RCAN1: variants seen among roughly 807,000 people sequenced by gnomAD.
The protein encoded by RCAN1 is calcipressin-1.
Under a neutral mutation model 22.9 loss-of-function variants are expected in RCAN1, and 11 were observed. The observed-to-expected ratio is 0.48, with a 90% CI of 0.30 to 0.79. RCAN1 has a LOEUF of 0.79. Ranked by LOEUF, RCAN1 falls within the 30% of genes least tolerant of loss-of-function variation. The pLI is 0.06. For missense variants in RCAN1, 291 were observed against 337.8 expected, an observed-to-expected ratio of 0.86 and a Z score of 1.09; for synonymous variants, 136 against 142.3, an observed-to-expected ratio of 0.96 and a Z score of 0.32.
intron 1 of RCAN1, among the ~76,000 whole-genome samples, chr21:34,552,498 A>G (rs958653519): frequency 6.6e-6 from 1 of 152,218 alleles, no homozygotes; most frequent in Non-Finnish European, 1.5e-5. Flanking sequence ...ACAAACGGCA[A>G]ACAGGGCAGA....
chr21:34,584,523 G>A (rs1415387680), intron 1 of RCAN1, among the ~76,000 whole-genome samples: 3 of 152,060 alleles, frequency 2.0e-5, no homozygotes, highest in African/African-American at 7.3e-5. Flanking sequence ...TTCTCTTACT[G>A]ACCACTCTTC....
chr21:34,553,075 G>A (rs1309659415), intron 1 of RCAN1, among the ~76,000 whole-genome samples: 1 of 152,206 alleles, frequency 6.6e-6, no homozygotes, highest in Non-Finnish European at 1.5e-5. Context: ...CAGAGATCTA[G>A]AAGCGGCCAG....
intron 1 of RCAN1, among the ~76,000 whole-genome samples, chr21:34,605,530 C>T (rs1353427925): frequency 2.0e-5 from 3 of 152,090 alleles, no homozygotes; most frequent in Admixed American, 6.5e-5. Context: ...CTCTGTTTCC[C>T]GTAGGTAAAA....
intron 1 of RCAN1, among the ~76,000 whole-genome samples, chr21:34,535,073 T>C (rs1049839035): frequency 1.3e-5 from 2 of 152,260 alleles, no homozygotes; most frequent in African/African-American, 4.8e-5. Context: ...GGAGAATTTG[T>C]ATAGAATTTA....
chr21:34,544,728 T>C (rs2123632383), intron 1 of RCAN1, among the ~76,000 whole-genome samples: 1 of 152,332 alleles, frequency 6.6e-6, no homozygotes, highest in Admixed American at 6.5e-5. Flanking sequence ...CAGAGGAGAC[T>C]GCTGGTCCCC....
chr21:34,548,561 T>C (rs1986235959), intron 1 of RCAN1, among the ~76,000 whole-genome samples: 1 of 152,192 alleles, frequency 6.6e-6, no homozygotes, highest in South Asian at 2.1e-4. Context: ...GTCGAAACTT[T>C]TGAAATATAA....
chr21:34,613,828 C>A (rs1389856761), intron 1 of RCAN1: 7 of 1,483,498 alleles, frequency 4.7e-6, no homozygotes, highest in Non-Finnish European at 5.5e-6. Flanking sequence ...TTGGCAGCAG[C>A]CTTCAACTAT....
chr21:34,546,495 C>T (rs1337229687), intron 1 of RCAN1, among the ~76,000 whole-genome samples: 1 of 151,968 alleles, frequency 6.6e-6, no homozygotes, highest in East Asian at 1.9e-4. Flanking sequence ...GCTGTTAACA[C>T]GTTGTTAACA....
intron 1 of RCAN1, among the ~76,000 whole-genome samples, chr21:34,609,384 G>A (rs1988624537): frequency 6.6e-6 from 1 of 152,186 alleles, no homozygotes. Context: ...ATTCTGCATA[G>A]ACAATGTACA....
intron 1 of RCAN1, among the ~76,000 whole-genome samples, chr21:34,560,399 A>T (rs1435910879): frequency 6.6e-6 from 1 of 152,238 alleles, no homozygotes; most frequent in East Asian, 1.9e-4. Flanking sequence ...ATCTTACTTT[A>T]TCATTTTTCC....
At chr21:34,601,817 CAAAAAAAA>C (rs202036960) in intron 1 of RCAN1, among the ~76,000 whole-genome samples, 18 of 83,368 alleles carry the variant, frequency 2.2e-4, no homozygotes, top group Non-Finnish European at 2.6e-4. Flanking sequence ...GACTCTGTCT[CAAAAAAAA>C]AAAAAAAAAA....
Position 34,521,629 on chromosome 21 carries a change from A to G in RCAN1, c.456T>C (p.Ala152=). 1 of 1,613,602 alleles carries G rather than the reference A, an allele frequency of 6.2e-7. No individual in the cohort carries two copies. The highest frequency in any genetic ancestry group is 1.1e-5 in the South Asian group (1 of 90,980). ...QTLHIGSSHL[A]PPNPDKQFLI... is the part of the protein sequence containing the mutation. ...GAAACTGCTTGTCTGGATTTGGCGG[A>G]GCCAGGTGTGAGCTTCCTATGTGTA... The change falls in exon 3 of 4, where the codon GCT becomes GCC. Residue 152 remains alanine (A), a synonymous_variant. Transcript: ENST00000313806.
intron 1 of RCAN1, chr21:34,525,473 A>G: frequency 8.0e-7 from 1 of 1,244,822 alleles, no homozygotes; most frequent in Non-Finnish European, 1.1e-6. Flanking sequence ...TTTCTGGCAA[A>G]AGTGTGTCTT....
intron 1 of RCAN1, among the ~76,000 whole-genome samples, chr21:34,602,576 C>T (rs1306453305): frequency 6.6e-6 from 1 of 151,552 alleles, no homozygotes; most frequent in African/African-American, 2.4e-5. Flanking sequence ...GCGGACCAGA[C>T]CACCTGAGAT....
rs1190124200 is a variant in RCAN1 at position 34,530,624 on chromosome 21, T to TG, written c.253-6915_253-6914insC. ...TCTAAGATAGTGAAATAGTTTTTTT[T>TG]TTTTTTTTTTTTTTTTTTTGAGACA... On this transcript the variant is annotated intron_variant, in intron 1 of 3. Transcript: ENST00000313806. 9.5e-3 allele frequency among the ~76,000 whole-genome samples: 981 copies of TG among 102,806 alleles called. 16 individuals carry two copies. Among genetic ancestry groups the TG allele is most frequent in the African/African-American group, 0.041 (852 of 20,960 alleles). The allele number at this position is 102,806 out of a possible 152,430, so 67.4% of individuals were successfully genotyped here.
intron 1 of RCAN1, among the ~76,000 whole-genome samples, chr21:34,585,052 G>C (rs532408204): frequency 9.2e-5 from 14 of 152,206 alleles, no homozygotes; most frequent in Non-Finnish European, 1.2e-4. Context: ...AATCATTCTT[G>C]TTTAAAACAA....
chr21:34,608,064 G>A (rs1988584671), intron 1 of RCAN1, among the ~76,000 whole-genome samples: 1 of 152,072 alleles, frequency 6.6e-6, no homozygotes, highest in African/African-American at 2.4e-5. Flanking sequence ...GCCCCAGATG[G>A]GACCATCTAA....
chr21:34,530,554 GT>G (rs1334669673), intron 1 of RCAN1, among the ~76,000 whole-genome samples: 2 of 149,700 alleles, frequency 1.3e-5, no homozygotes, highest in African/African-American at 4.9e-5. Context: ...AGGCTCTCTT[GT>G]GAATGAAAAT....
At position 34,552,166 on chromosome 21, in the gene RCAN1, T is replaced by C. The variant is rs139069791; in HGVS notation, c.253-28456A>G. 8.9e-4 allele frequency among the ~76,000 whole-genome samples: 136 copies of C among 152,316 alleles called. 1 individual carries two copies. Among genetic ancestry groups the C allele is most frequent in the African/African-American group, 3.2e-3 (133 of 41,576 alleles). ...TGCATTACTAGCGTTAGAGGCACGA[T>C]ACCCTTTAGGGTTTGGCTTCTTGTT... On this transcript the variant is annotated intron_variant, in intron 1 of 3. Coordinates refer to ENST00000313806, the MANE Select transcript of RCAN1 (RefSeq NM_004414.7).
Sources: allele counts gnomAD v4.1 joint callset (sites outside exome capture counted in the v4.1 genomes callset), GRCh38; gene constraint gnomAD v4.1.1; transcripts MANE v1.5; gene names NCBI Gene and HGNC (gene_info 2026-07-23, HGNC 2026-07-21).